Variants in SYT1 observed in about 807,000 individuals in gnomAD.
SYT1 encodes synaptotagmin 1.
Under a neutral mutation model 44.8 loss-of-function variants are expected in SYT1, and 8 were observed. That is an observed-to-expected ratio of 0.18 (90% CI 0.10 to 0.32). The LOEUF (loss-of-function observed/expected upper bound fraction) is 0.32. Ranked by LOEUF, SYT1 falls within the 10% of genes least tolerant of loss-of-function variation. The pLI, the probability that SYT1 is intolerant of heterozygous loss-of-function variation, is 1.00. For missense variants in SYT1, 286 were observed against 509.3 expected, an observed-to-expected ratio of 0.56 and a Z score of 4.22; for synonymous variants, 154 against 188.8, an observed-to-expected ratio of 0.82 and a Z score of 1.51.
chr12:79,049,967 GA>G (rs1717907134), intron 3 of SYT1, among the ~76,000 whole-genome samples: 1 of 151,840 alleles, frequency 6.6e-6, no homozygotes, highest in South Asian at 2.1e-4. Flanking sequence ...TATAAGAATA[GA>G]AAAATAAAAG....
chr12:79,442,225 T>C (rs1870466708), intron 9 of SYT1, among the ~76,000 whole-genome samples: 1 of 152,188 alleles, frequency 6.6e-6, no homozygotes, highest in Non-Finnish European at 1.5e-5. Context: ...TGACTAGCTT[T>C]ATAAAATTGC....
chr12:78,988,210 C>T (rs932522335), intron 2 of SYT1, among the ~76,000 whole-genome samples: 2 of 151,462 alleles, frequency 1.3e-5, no homozygotes, highest in African/African-American at 4.8e-5. Context: ...TAGGCCAAAT[C>T]CTTGCCATCA....
Position 78,986,211 on chromosome 12 carries a change from C to G in SYT1, c.-84+8280C>G, listed in dbSNP as rs189080929. On this transcript the variant is annotated intron_variant, in intron 2 of 10. Transcript: ENST00000261205. ...GATGATTTATGTGCATAAAGCTGACCTTATAAAAATAATCTCTGTGTTCAT... is the reference window on the plus strand; with the variant it reads ...GATGATTTATGTGCATAAAGCTGACGTTATAAAAATAATCTCTGTGTTCAT... 5.3e-5 allele frequency among the ~76,000 whole-genome samples: 8 copies of G among 152,008 alleles called. No homozygotes were observed. In the East Asian group the frequency reaches 1.5e-3, roughly 29 times the overall value.
At chr12:79,014,139 G>GAAAAAAAAAAA (rs1170016597) in intron 2 of SYT1, among the ~76,000 whole-genome samples, 50 of 90,200 alleles carry the variant, frequency 5.5e-4, no homozygotes, top group South Asian at 1.1e-3. Context: ...AAAAAAAAAA[G>GAAAAAAAAAAA]AAAAAAAAAA....
intron 4 of SYT1, among the ~76,000 whole-genome samples, chr12:79,253,482 A>G (rs1286766212): frequency 2.6e-5 from 2 of 77,788 alleles, no homozygotes; most frequent in Admixed American, 2.7e-4. Context: ...GCCATTGCCC[A>G]GTCTCTCTCT....
chr12:79,159,411 T>C (rs913829152), intron 3 of SYT1, among the ~76,000 whole-genome samples: 2 of 152,162 alleles, frequency 1.3e-5, no homozygotes. Context: ...GTGGATTGCT[T>C]TCCAAGGTTT....
intron 4 of SYT1, among the ~76,000 whole-genome samples, chr12:79,273,180 A>G (rs1878527302): frequency 6.6e-6 from 1 of 150,642 alleles, no homozygotes; most frequent in African/African-American, 2.5e-5. Context: ...GCAGTGGCAC[A>G]ATCATAGCTC....
chr12:79,033,469 A>T (rs1592681818), intron 2 of SYT1, among the ~76,000 whole-genome samples: 1 of 151,466 alleles, frequency 6.6e-6, no homozygotes, highest in Non-Finnish European at 1.5e-5. Context: ...AGAATTTCAT[A>T]GGATTGCATT....
chr12:79,116,515 G>T (rs905266252), intron 3 of SYT1, among the ~76,000 whole-genome samples: 1 of 152,116 alleles, frequency 6.6e-6, no homozygotes, highest in African/African-American at 2.4e-5. Context: ...CATAAGTGAG[G>T]AACTCACAGC....
intron 4 of SYT1, among the ~76,000 whole-genome samples, chr12:79,269,653 ATC>A (rs1878315343): frequency 1.3e-5 from 2 of 152,088 alleles, no homozygotes; most frequent in Non-Finnish European, 2.9e-5. Flanking sequence ...GAGAACAATA[ATC>A]TGCACTCGGG....
intron 4 of SYT1, among the ~76,000 whole-genome samples, chr12:79,280,846 A>G (rs938308887): frequency 2.0e-5 from 3 of 152,048 alleles, no homozygotes; most frequent in Admixed American, 2.0e-4. Context: ...ATATGTGAAG[A>G]GAGATTTTTC....
intron 9 of SYT1, among the ~76,000 whole-genome samples, chr12:79,432,361 CT>C (rs1869844486): frequency 6.6e-6 from 1 of 152,140 alleles, no homozygotes; most frequent in African/African-American, 2.4e-5. Context: ...ATCCCTCCCC[CT>C]GCCCCCCAAC....
chr12:79,442,676 C>T (rs1411839255), intron 9 of SYT1, among the ~76,000 whole-genome samples: 1 of 152,034 alleles, frequency 6.6e-6, no homozygotes, highest in Non-Finnish European at 1.5e-5. Flanking sequence ...ATATGACAGA[C>T]AAAGTGTCTG....
intron 8 of SYT1, among the ~76,000 whole-genome samples, chr12:79,312,806 G>A (rs1250217330): frequency 8.7e-6 from 1 of 114,572 alleles, no homozygotes; most frequent in Non-Finnish European, 1.7e-5. Flanking sequence ...TTGTAACTAT[G>A]GCTGGATGTT....
chr12:78,999,576 C>A (rs1050912061), intron 2 of SYT1, among the ~76,000 whole-genome samples: 3 of 152,098 alleles, frequency 2.0e-5, no homozygotes, highest in Non-Finnish European at 2.9e-5. Flanking sequence ...GTATATCTAT[C>A]AGAATACATG....
chr12:79,095,658 G>A (rs958969277), intron 3 of SYT1, among the ~76,000 whole-genome samples: 1 of 151,894 alleles, frequency 6.6e-6, no homozygotes, highest in African/African-American at 2.4e-5. Context: ...AGAGATCTGG[G>A]AATACTGACC....
At chr12:78,931,249 A>G (rs1417984318) in intron 1 of SYT1, among the ~76,000 whole-genome samples, 1 of 49,026 alleles carries the variant, frequency 2.0e-5, no homozygotes, top group Non-Finnish European at 4.5e-5. Flanking sequence ...GAAGGAAGGA[A>G]GGAAGGAAGG....
At chr12:79,311,928 T>G (rs968370808) in intron 8 of SYT1, among the ~76,000 whole-genome samples, 1 of 145,420 alleles carries the variant, frequency 6.9e-6, no homozygotes, top group African/African-American at 2.6e-5. Flanking sequence ...AAATGACGAG[T>G]TAATGGGTGC....
intron 1 of SYT1, among the ~76,000 whole-genome samples, chr12:78,957,312 AAAG>A (rs1278454611): frequency 2.0e-5 from 3 of 152,166 alleles, no homozygotes; most frequent in East Asian, 1.9e-4. Context: ...TATTTTAAAT[AAAG>A]AAGAAGAATA....
Sources: allele counts gnomAD v4.1 joint callset (sites outside exome capture counted in the v4.1 genomes callset), GRCh38; gene constraint gnomAD v4.1.1; transcripts MANE v1.5; gene names NCBI Gene and HGNC (gene_info 2026-07-23, HGNC 2026-07-21).